The following SHISA9 variants were observed in gnomAD, a reference collection of about 807,000 sequenced individuals.
The protein encoded by SHISA9 is shisa family member 9.
Under a neutral mutation model 38.0 loss-of-function variants are expected in SHISA9, and 13 were observed. The observed-to-expected ratio is 0.34, with a 90% CI of 0.22 to 0.54. The LOEUF is 0.54. SHISA9 is among the 20% of genes least tolerant of loss of function. The pLI, the probability that SHISA9 is intolerant of heterozygous loss-of-function variation, is 0.91. For missense variants in SHISA9, 538 were observed against 575.8 expected, an observed-to-expected ratio of 0.93 and a Z score of 0.67; for synonymous variants, 275 against 242.0, an observed-to-expected ratio of 1.14 and a Z score of -1.27.
At chr16:13,015,858 C>CTT (rs879889298) in intron 2 of SHISA9, among the ~76,000 whole-genome samples, 39 of 59,742 alleles carry the variant, frequency 6.5e-4, no homozygotes, top group Admixed American at 6.2e-3. Flanking sequence ...CTTTCCCTTT[C>CTT]TTTCTTTCTT....
chr16:13,389,807 C>A, the SHISA9 span, among the ~76,000 whole-genome samples: 1 of 152,170 alleles, frequency 6.6e-6, no homozygotes, highest in East Asian at 1.9e-4. Flanking sequence ...CTGCGATTGT[C>A]CTGGAAAATC....
the SHISA9 span, among the ~76,000 whole-genome samples, chr16:13,269,139 T>G: frequency 2.0e-5 from 3 of 152,194 alleles, no homozygotes; most frequent in African/African-American, 7.2e-5. Flanking sequence ...GTGGTAAACT[T>G]TATCTGATCT....
intron 2 of SHISA9, among the ~76,000 whole-genome samples, chr16:12,954,781 C>G (rs1378352920): frequency 6.6e-6 from 1 of 152,088 alleles, no homozygotes; most frequent in African/African-American, 2.4e-5. Flanking sequence ...CAGCCATTAA[C>G]CAGTGAAACG....
At chr16:13,507,565 G>C in the SHISA9 span, among the ~76,000 whole-genome samples, 1 of 152,138 alleles carries the variant, frequency 6.6e-6, no homozygotes, top group East Asian at 1.9e-4. Flanking sequence ...TATTAAGAAG[G>C]AACCCAGGTG....
chr16:13,249,659 T>G, the SHISA9 span, among the ~76,000 whole-genome samples: 1 of 152,130 alleles, frequency 6.6e-6, no homozygotes, highest in Admixed American at 6.5e-5. Flanking sequence ...TCTGTGTCTG[T>G]TTTTTACTCA....
chr16:13,467,059 C>T, the SHISA9 span, among the ~76,000 whole-genome samples: 5 of 152,144 alleles, frequency 3.3e-5, no homozygotes, highest in Admixed American at 6.5e-5. Context: ...ATGGCTGCCA[C>T]GTTGACAAGG....
At chr16:13,148,499 T>C (rs1416655154) in intron 2 of SHISA9, among the ~76,000 whole-genome samples, 3 of 151,984 alleles carry the variant, frequency 2.0e-5, no homozygotes, top group African/African-American at 4.8e-5. Flanking sequence ...CCCACCCACG[T>C]CACATTGACA....
In SHISA9 at chr16:12,941,734, G is replaced by A. The variant is rs562486768; in HGVS notation, c.691+24919G>A. ...GGCCTGGTGGCACATGCCTGTAATC[G>A]CAGCTACTTGGGAGGCTGAGGCAGA... On this transcript the variant is annotated intron_variant, in intron 2 of 4. Coordinates refer to ENST00000558583, the MANE Select transcript of SHISA9 (RefSeq NM_001145204.3). Among the ~76,000 whole-genome samples, 5 of 152,152 alleles carry A rather than the reference G, an allele frequency of 3.3e-5. No individual in the cohort carries two copies. In the East Asian group the frequency reaches 7.8e-4, roughly 24 times the overall value.
At chr16:13,101,998 C>A (rs749892644) in intron 2 of SHISA9, among the ~76,000 whole-genome samples, 19 of 152,186 alleles carry the variant, frequency 1.2e-4, no homozygotes, top group Non-Finnish European at 2.4e-4. Flanking sequence ...TTGGGTAATG[C>A]TGAGAATGGC....
At chr16:13,070,409 C>G (rs373013201) in intron 2 of SHISA9, among the ~76,000 whole-genome samples, 23 of 152,346 alleles carry the variant, frequency 1.5e-4, no homozygotes, top group South Asian at 8.3e-4. Flanking sequence ...ATTGGCCAGG[C>G]TGGGACCTGA....
chr16:13,296,595 A>G, the SHISA9 span, among the ~76,000 whole-genome samples: 2 of 152,090 alleles, frequency 1.3e-5, no homozygotes, highest in Admixed American at 1.3e-4. Flanking sequence ...CATACATTAC[A>G]ACATTGCAAT....
At chr16:13,305,403 C>A in the SHISA9 span, among the ~76,000 whole-genome samples, 23 of 152,166 alleles carry the variant, frequency 1.5e-4, 1 homozygote, top group Non-Finnish European at 3.1e-4. Flanking sequence ...CTTCCTTGGG[C>A]TAGCCTAGGA....
chr16:13,233,180 A>G (rs2051348722), intron 4 of SHISA9, among the ~76,000 whole-genome samples: 1 of 152,168 alleles, frequency 6.6e-6, no homozygotes, highest in Non-Finnish European at 1.5e-5. Context: ...TTTGTAGGAT[A>G]TGACTCCCAG....
chr16:13,316,647 A>G, the SHISA9 span, among the ~76,000 whole-genome samples: 1 of 152,180 alleles, frequency 6.6e-6, no homozygotes, highest in Non-Finnish European at 1.5e-5. Flanking sequence ...AAAACCCTCC[A>G]TCCAATAACC....
chr16:13,316,975 C>T, the SHISA9 span, among the ~76,000 whole-genome samples: 1 of 152,232 alleles, frequency 6.6e-6, no homozygotes, highest in Non-Finnish European at 1.5e-5. Flanking sequence ...CTGGTGGTAT[C>T]TTCGTGTTCC....
chr16:13,551,075 G>A, the SHISA9 span, among the ~76,000 whole-genome samples: 330 of 150,212 alleles, frequency 2.2e-3, 1 homozygote, highest in Non-Finnish European at 3.5e-3. Flanking sequence ...AGTGAGCCGA[G>A]ATCACGCCAC....
chr16:13,075,195 G>A (rs778328979), intron 2 of SHISA9, among the ~76,000 whole-genome samples: 67 of 152,208 alleles, frequency 4.4e-4, no homozygotes, highest in Non-Finnish European at 8.2e-4. Context: ...TAGGACCACT[G>A]TGGAAGCAGA....
chr16:13,476,738 GTTTTTTT>G, the SHISA9 span, among the ~76,000 whole-genome samples: 1 of 65,182 alleles, frequency 1.5e-5, no homozygotes, highest in African/African-American at 5.5e-5. Context: ...CCTGTTTTGT[GTTTTTTT>G]TTTTTTTTTT....
the SHISA9 span, among the ~76,000 whole-genome samples, chr16:13,387,811 T>C: frequency 6.6e-6 from 1 of 152,154 alleles, no homozygotes; most frequent in Non-Finnish European, 1.5e-5. Context: ...ATGGTGCATT[T>C]TCACTGATGA....
Sources: allele counts gnomAD v4.1 joint callset (sites outside exome capture counted in the v4.1 genomes callset), GRCh38; gene constraint gnomAD v4.1.1; transcripts MANE v1.5; gene names NCBI Gene and HGNC (gene_info 2026-07-23, HGNC 2026-07-21).